GSG1L: variants seen among roughly 807,000 people sequenced by gnomAD.
The protein encoded by GSG1L is GSG1 like, also known as germ cell-specific gene 1-like protein.
Under a neutral mutation model 42.1 loss-of-function variants are expected in GSG1L, and 24 were observed. The observed-to-expected ratio is 0.57, with a 90% confidence interval of 0.41 to 0.80. The LOEUF (loss-of-function observed/expected upper bound fraction) is 0.80, where lower values mean the gene tolerates loss of function less well. Among genes scored for constraint, GSG1L ranks in the 30% least tolerant of loss-of-function variants. GSG1L has a pLI of 0.00. For synonymous variants in GSG1L, 215 were observed against 203.5 expected (o/e 1.06, Z -0.48); for missense variants, 445 against 472.2 (o/e 0.94, Z 0.53).
intron 2 of GSG1L, among the ~76,000 whole-genome samples, chr16:27,887,060 A>G (rs2084039579): frequency 6.6e-6 from 1 of 152,016 alleles, no homozygotes; most frequent in African/African-American, 2.4e-5. Context: ...GATTCAAGCA[A>G]TCCTCCCACC....
chr16:27,980,104 G>A (rs1192231261), intron 1 of GSG1L, among the ~76,000 whole-genome samples: 1 of 152,140 alleles, frequency 6.6e-6, no homozygotes, highest in Non-Finnish European at 1.5e-5. Context: ...CAGGTGGGGG[G>A]AACCTGGCAG....
Position 27,888,454 on chromosome 16 carries a change from T to TTCTCTCTC in GSG1L, c.398-3817_398-3816insGAGAGAGA, listed in dbSNP as rs1213588764. On this transcript the variant is annotated intron_variant, in intron 2 of 6. Transcript: ENST00000447459. The stretch of plus-strand genomic sequence containing the variant: ...TTTCTTTCTTTCTTTCTTTCTTTCT[T>TTCTCTCTC]TCTTTCTTTCTCTCTCTCTCTCTCT... Among the ~76,000 whole-genome samples, 4 of 40,794 alleles carry TTCTCTCTC rather than the reference T, an allele frequency of 9.8e-5. 1 individual carries two copies. Among genetic ancestry groups the TTCTCTCTC allele is most frequent in the African/African-American group, 2.8e-4 (4 of 14,542 alleles). 26.8% of individuals were successfully genotyped at this position (40,794 alleles called of 152,430 possible).
chr16:28,038,769 T>G (rs934533381), intron 1 of GSG1L, among the ~76,000 whole-genome samples: 2 of 152,210 alleles, frequency 1.3e-5, no homozygotes, highest in South Asian at 4.1e-4. Flanking sequence ...ACCTGGCACG[T>G]TATACCAGCT....
At chr16:27,870,924 T>C (rs981337056) in intron 3 of GSG1L, among the ~76,000 whole-genome samples, 1 of 151,404 alleles carries the variant, frequency 6.6e-6, no homozygotes, top group Non-Finnish European at 1.5e-5. Context: ...GTACCGGCCC[T>C]GCCTGCCCTT....
chr16:27,924,944 G>A (rs145094526), intron 2 of GSG1L, among the ~76,000 whole-genome samples: 17 of 152,180 alleles, frequency 1.1e-4, no homozygotes, highest in African/African-American at 3.6e-4. Flanking sequence ...CAGCAACACC[G>A]GATCACACGC....
chr16:27,823,455 A>G (rs551185184), intron 5 of GSG1L, among the ~76,000 whole-genome samples: 12 of 151,846 alleles, frequency 7.9e-5, no homozygotes, highest in Middle Eastern at 3.4e-3. Context: ...CCAACAGGAC[A>G]TGGGTGGTGG....
At chr16:27,903,287 A>C (rs1295750127) in intron 2 of GSG1L, among the ~76,000 whole-genome samples, 1 of 152,022 alleles carries the variant, frequency 6.6e-6, no homozygotes, top group Non-Finnish European at 1.5e-5. Context: ...ACGTGGTCGG[A>C]CCTGGGTACC....
chr16:27,847,846 T>G (rs1479582835), intron 3 of GSG1L, among the ~76,000 whole-genome samples: 1 of 152,218 alleles, frequency 6.6e-6, no homozygotes, highest in Non-Finnish European at 1.5e-5. Context: ...GCTGTGATTG[T>G]AAGTTTCCTG....
At chr16:27,922,953 A>G (rs1307808381) in intron 2 of GSG1L, among the ~76,000 whole-genome samples, 2 of 151,932 alleles carry the variant, frequency 1.3e-5, no homozygotes, top group East Asian at 3.9e-4. Flanking sequence ...ATGCCCGGCT[A>G]ATGTTCTTAT....
intron 4 of GSG1L, among the ~76,000 whole-genome samples, chr16:27,842,864 CT>C (rs1249410864): frequency 2.0e-5 from 3 of 152,114 alleles, no homozygotes; most frequent in Non-Finnish European, 4.4e-5. Flanking sequence ...CTTGGACCTG[CT>C]GTTCCCTCTG....
intron 1 of GSG1L, among the ~76,000 whole-genome samples, chr16:28,027,647 G>A (rs2085914493): frequency 6.6e-6 from 1 of 152,166 alleles, no homozygotes; most frequent in Non-Finnish European, 1.5e-5. Context: ...AGGTGAAACT[G>A]ACACCACCTA....
intron 4 of GSG1L, among the ~76,000 whole-genome samples, chr16:27,834,204 A>G (rs2083300041): frequency 6.6e-6 from 1 of 152,012 alleles, no homozygotes; most frequent in African/African-American, 2.4e-5. Flanking sequence ...TGGTCATGTG[A>G]TTTTTTTATT....
chr16:27,887,785 C>T (rs1451240333), intron 2 of GSG1L, among the ~76,000 whole-genome samples: 6 of 152,142 alleles, frequency 3.9e-5, no homozygotes, highest in African/African-American at 1.2e-4. Context: ...CTCTTCTTCC[C>T]TTTTTTTCTT....
chr16:27,917,783 AATTC>A (rs1303183176), intron 2 of GSG1L, among the ~76,000 whole-genome samples: 1 of 152,210 alleles, frequency 6.6e-6, no homozygotes, highest in East Asian at 1.9e-4. Context: ...ACAGAAGAAT[AATTC>A]ATCAGCTAAA....
intron 3 of GSG1L, among the ~76,000 whole-genome samples, chr16:27,849,528 G>A (rs1045471718): frequency 1.3e-5 from 2 of 151,708 alleles, no homozygotes; most frequent in Admixed American, 6.6e-5. Context: ...GGTATGTTTA[G>A]TTTGTTTGTT....
intron 1 of GSG1L, 43 bp from the exon 2 acceptor site, chr16:27,963,246 G>T (rs760469938): frequency 3.8e-6 from 6 of 1,576,434 alleles, no homozygotes; most frequent in East Asian, 2.2e-5. Flanking sequence ...GAGAGGACAC[G>T]TGGGCTTCCG....
chr16:28,058,621 A>C (rs1442775271), intron 1 of GSG1L, among the ~76,000 whole-genome samples: 1 of 57,370 alleles, frequency 1.7e-5, no homozygotes, highest in Non-Finnish European at 2.9e-5. Flanking sequence ...GAACAAGACC[A>C]AAAAAAAAAA....
rs1194973460 is a variant in GSG1L at position 27,860,319 on chromosome 16, G to A, written c.551-15258C>T. On this transcript the variant is annotated intron_variant, in intron 3 of 6. Transcript: ENST00000447459. ...CTCGTCCTGAATCGGGCTTGGTCGG[G>A]CAGGAAGAGGTGCAGGAGCCGCATA... 9.9e-5 allele frequency among the ~76,000 whole-genome samples: 15 copies of A among 152,218 alleles called. 1 individual carries two copies. The highest frequency in any genetic ancestry group is 2.2e-4 in the Non-Finnish European group (15 of 68,036).
At chr16:27,849,128 G>A (rs2083476331) in intron 3 of GSG1L, among the ~76,000 whole-genome samples, 2 of 150,060 alleles carry the variant, frequency 1.3e-5, no homozygotes, top group African/African-American at 5.0e-5. Flanking sequence ...GGCAGAAGCT[G>A]CAGAAGCTGC....
Sources: allele counts gnomAD v4.1 joint callset (sites outside exome capture counted in the v4.1 genomes callset), GRCh38; gene constraint gnomAD v4.1.1; transcripts MANE v1.5; gene names NCBI Gene and HGNC (gene_info 2026-07-23, HGNC 2026-07-21).